SHROOM3: variants seen among roughly 807,000 people sequenced by gnomAD.
SHROOM3 encodes the protein protein Shroom3.
A neutral mutation model predicts 138.6 loss-of-function variants in SHROOM3; 47 were observed. The observed-to-expected ratio is 0.34, with a 90% CI of 0.27 to 0.43. The LOEUF (loss-of-function observed/expected upper bound fraction) is 0.43, where lower values mean the gene tolerates loss of function less well. Ranked by LOEUF, SHROOM3 falls within the 20% of genes least tolerant of loss-of-function variation. The pLI is 1.00. For missense variants in SHROOM3, 2,491 were observed against 2,596.5 expected, an observed-to-expected ratio of 0.96 and a Z score of 0.88; for synonymous variants, 1,062 against 1,063.3, an observed-to-expected ratio of 1.00 and a Z score of 0.02.
chr4:76,744,742 A>T (rs144924863), intron 5 of SHROOM3, among the ~76,000 whole-genome samples: 5 of 152,204 alleles, frequency 3.3e-5, no homozygotes, highest in African/African-American at 1.2e-4. Flanking sequence ...CACAATGTGG[A>T]GTGTGTTTCT....
chr4:76,771,834 A>G (rs1232401293), intron 10 of SHROOM3, among the ~76,000 whole-genome samples: 1 of 152,218 alleles, frequency 6.6e-6, no homozygotes, highest in Non-Finnish European at 1.5e-5. Context: ...GCTATAGAGC[A>G]TTCTTCATCC....
At chr4:76,506,364 A>G (rs1732212135) in intron 1 of SHROOM3, among the ~76,000 whole-genome samples, 1 of 152,146 alleles carries the variant, frequency 6.6e-6, no homozygotes, top group Admixed American at 6.5e-5. Flanking sequence ...GTAGCCCAGG[A>G]CTTAAAGTAT....
In SHROOM3 at chr4:76,688,932, A is replaced by T. The variant is rs979205865; in HGVS notation, c.324-21224A>T. On this transcript the variant is annotated intron_variant, in intron 2 of 10. Coordinates refer to ENST00000296043, the MANE Select transcript of SHROOM3 (RefSeq NM_020859.4). ...ACTGAGAAGAGGGCATGCTGAGAAA[A>T]AGGATGGTTATTTTCCTTGTAATGC... The T allele has an allele frequency of 1.1e-5, 11 of 984,032 alleles. No homozygotes were observed. The African/African-American group carries it at 1.9e-4, about 17-fold the overall frequency. The allele number at this position is 984,032 out of a possible 1,614,324, so 61.0% of individuals were successfully genotyped here.
At chr4:76,498,279 T>C (rs747684762) in intron 1 of SHROOM3, among the ~76,000 whole-genome samples, 3 of 152,172 alleles carry the variant, frequency 2.0e-5, no homozygotes, top group Non-Finnish European at 4.4e-5. Flanking sequence ...GCAATTGTCA[T>C]GATGTATGCG....
chr4:76,567,754 C>T (rs1733756828), intron 2 of SHROOM3, among the ~76,000 whole-genome samples: 2 of 152,274 alleles, frequency 1.3e-5, no homozygotes, highest in African/African-American at 4.8e-5. Flanking sequence ...AGTAGGGGCC[C>T]ACAAGCCCTG....
chr4:76,739,997 T>C lies in SHROOM3; in HGVS notation c.1824T>C (p.Ala608=). The change falls in exon 5 of 11, where the codon GCT becomes GCC. Residue 608 remains alanine, a synonymous_variant. Coordinates refer to ENST00000296043, the MANE Select transcript of SHROOM3 (RefSeq NM_020859.4). ...SHPHSLKCPQ[A]QAWQAGEDKR... Reference sequence around the variant, plus strand: ...CCCACAGCCTCAAATGCCCTCAGGCTCAGGCCTGGCAAGCGGGTGAAGACA... The same window carrying C: ...CCCACAGCCTCAAATGCCCTCAGGCCCAGGCCTGGCAAGCGGGTGAAGACA... The C allele has an allele frequency of 6.2e-7, 1 of 1,613,968 alleles. No homozygotes were observed. The highest frequency in any genetic ancestry group is 8.5e-7 in the Non-Finnish European group (1 of 1,180,032).
chr4:76,746,518 G>C (rs1054522556), intron 5 of SHROOM3, among the ~76,000 whole-genome samples: 3 of 152,118 alleles, frequency 2.0e-5, no homozygotes, highest in Non-Finnish European at 4.4e-5. Flanking sequence ...TCTAGTTTCT[G>C]TAAGCACACT....
At chr4:76,725,878 C>T (rs1353263352) in intron 3 of SHROOM3, among the ~76,000 whole-genome samples, 1 of 152,262 alleles carries the variant, frequency 6.6e-6, no homozygotes, top group African/African-American at 2.4e-5. Flanking sequence ...GGCCTCTGCA[C>T]GCTCTCTGCC....
intron 1 of SHROOM3, among the ~76,000 whole-genome samples, chr4:76,545,073 C>T (rs1389374627): frequency 6.6e-6 from 1 of 152,034 alleles, no homozygotes; most frequent in South Asian, 2.1e-4. Flanking sequence ...TTCAGATTCC[C>T]TCTACTATTT....
At chr4:76,465,529 C>T (rs1731233045) in intron 1 of SHROOM3, among the ~76,000 whole-genome samples, 1 of 152,212 alleles carries the variant, frequency 6.6e-6, no homozygotes, top group South Asian at 2.1e-4. Context: ...CAGGCCGAAG[C>T]TCCTTTTCCT....
intron 2 of SHROOM3, among the ~76,000 whole-genome samples, chr4:76,640,219 C>T (rs898650294): frequency 2.0e-5 from 3 of 152,144 alleles, no homozygotes; most frequent in Admixed American, 6.5e-5. Flanking sequence ...TGTGTGTCTA[C>T]GTGTGTCGTT....
At chr4:76,558,487 G>T (rs554073105) in intron 2 of SHROOM3, among the ~76,000 whole-genome samples, 4 of 152,272 alleles carry the variant, frequency 2.6e-5, no homozygotes, top group Non-Finnish European at 5.9e-5. Context: ...ATATATGCTG[G>T]TTCCCTGGTT....
At chr4:76,507,844 G>A (rs540980064) in intron 1 of SHROOM3, among the ~76,000 whole-genome samples, 3 of 151,866 alleles carry the variant, frequency 2.0e-5, no homozygotes, top group Admixed American at 6.6e-5. Flanking sequence ...ATGCCTGGCC[G>A]GTCGTTTGTA....
intron 1 of SHROOM3, among the ~76,000 whole-genome samples, chr4:76,516,760 T>C (rs1037532208): frequency 3.9e-5 from 6 of 152,168 alleles, no homozygotes; most frequent in African/African-American, 1.4e-4. Context: ...AAGTTTCTGA[T>C]CCTGGATCCT....
chr4:76,564,662 A>G (rs1234504433), intron 2 of SHROOM3, among the ~76,000 whole-genome samples: 1 of 152,116 alleles, frequency 6.6e-6, no homozygotes, highest in Non-Finnish European at 1.5e-5. Context: ...TGCTATTTTT[A>G]TTCAATGGGT....
At chr4:76,662,437 CTCT>C (rs1453780377) in intron 2 of SHROOM3, among the ~76,000 whole-genome samples, 5 of 152,184 alleles carry the variant, frequency 3.3e-5, no homozygotes, top group African/African-American at 4.8e-5. Context: ...CTCTGCCTTC[CTCT>C]TCTACTGCCA....
intron 2 of SHROOM3, among the ~76,000 whole-genome samples, chr4:76,581,142 T>C (rs1734046500): frequency 6.6e-6 from 1 of 152,202 alleles, no homozygotes; most frequent in East Asian, 1.9e-4. Flanking sequence ...TTACCTGCTA[T>C]TCTTAGCACT....
chr4:76,762,122 G>T (rs1179424077), intron 9 of SHROOM3, among the ~76,000 whole-genome samples: 1 of 152,126 alleles, frequency 6.6e-6, no homozygotes, highest in Non-Finnish European at 1.5e-5. Context: ...AAAAAATCTG[G>T]AAGTTAAGCA....
chr4:76,477,422 A>G (rs1244097306), intron 1 of SHROOM3, among the ~76,000 whole-genome samples: 1 of 152,188 alleles, frequency 6.6e-6, no homozygotes, highest in Admixed American at 6.5e-5. Flanking sequence ...AAGACTGCAC[A>G]TAACATAATC....
Sources: allele counts gnomAD v4.1 joint callset (sites outside exome capture counted in the v4.1 genomes callset), GRCh38; gene constraint gnomAD v4.1.1; transcripts MANE v1.5; gene names NCBI Gene and HGNC (gene_info 2026-07-23, HGNC 2026-07-21).